GPR158: variants seen among roughly 807,000 people sequenced by gnomAD.
GPR158 encodes G protein-coupled receptor 158, also known as metabotropic glycine receptor.
Under a neutral mutation model 78.2 loss-of-function variants are expected in GPR158, and 30 were observed. That is an observed-to-expected ratio of 0.38 (90% CI 0.29 to 0.52). GPR158 has a LOEUF of 0.52. Ranked by LOEUF, GPR158 falls within the 20% of genes least tolerant of loss-of-function variation. The pLI, the probability that GPR158 is intolerant of heterozygous loss-of-function variation, is 0.83. For synonymous variants in GPR158, 581 were observed against 591.1 expected (o/e 0.98, Z 0.25); for missense variants, 1,463 against 1,523.5 (o/e 0.96, Z 0.66).
chr10:25,329,775 C>T (rs1037440956), intron 2 of GPR158, among the ~76,000 whole-genome samples: 3 of 151,876 alleles, frequency 2.0e-5, no homozygotes, highest in Non-Finnish European at 4.4e-5. Context: ...CTTCCAAACA[C>T]TTGTTTTATT....
chr10:25,277,452 T>A (rs1021462042), intron 2 of GPR158, among the ~76,000 whole-genome samples: 1 of 137,830 alleles, frequency 7.3e-6, no homozygotes, highest in Non-Finnish European at 1.5e-5. Context: ...AGTAGCTGAC[T>A]TTGGGGGAAA....
At chr10:25,458,534 C>G (rs1835319220) in intron 4 of GPR158, among the ~76,000 whole-genome samples, 1 of 152,210 alleles carries the variant, frequency 6.6e-6, no homozygotes, top group Non-Finnish European at 1.5e-5. Context: ...CACTTCTCTG[C>G]TGACTTCATT....
rs530870490 is a variant in GPR158, at chr10:25,483,375, C to T, written c.1404+16656C>T. Among the ~76,000 whole-genome samples the T allele has an allele frequency of 2.6e-5, 4 of 151,930 alleles. No homozygotes were observed. In the East Asian group the frequency reaches 7.8e-4, roughly 30 times the overall value. ...CTTGCACTGACTATTGCTTTTTCCT[C>T]CCCCCTTTCATGTCTTTGCTAAAAT... On this transcript the variant is annotated intron_variant, in intron 5 of 10. Coordinates refer to ENST00000376351, the MANE Select transcript of GPR158 (RefSeq NM_020752.3).
chr10:25,530,152 T>C (rs1476654711), intron 5 of GPR158, among the ~76,000 whole-genome samples: 1 of 152,130 alleles, frequency 6.6e-6, no homozygotes, highest in Non-Finnish European at 1.5e-5. Flanking sequence ...GGTCTCCTCA[T>C]GAGCTGAAGT....
chr10:25,466,677 G>T lies in GPR158; in HGVS notation c.1362G>T (p.Leu454=). ...GCATCCGGGCATCGGGCCTTATCCTGTTGGAAACGATCCTTTTTGGATCTC... is the reference window on the plus strand; with the variant it reads ...GCATCCGGGCATCGGGCCTTATCCTTTTGGAAACGATCCTTTTTGGATCTC... ...AKSIRASGLI[L]LETILFGSLL... Residue 454 remains leucine, a synonymous_variant, in exon 5 of 11, where the codon CTG becomes CTT. Transcript: ENST00000376351. The T allele has an allele frequency of 2.5e-6, 4 of 1,607,356 alleles. No homozygotes were observed. The highest frequency in any genetic ancestry group is 1.7e-6 in the Non-Finnish European group (2 of 1,175,972).
chr10:25,181,621 A>T (rs1269917907), intron 1 of GPR158, among the ~76,000 whole-genome samples: 2 of 152,212 alleles, frequency 1.3e-5, no homozygotes, highest in African/African-American at 4.8e-5. Context: ...TTTAATTTTC[A>T]GTTTCTTCAA....
intron 5 of GPR158, among the ~76,000 whole-genome samples, chr10:25,491,033 A>G (rs1462038621): frequency 2.6e-5 from 4 of 152,162 alleles, no homozygotes; most frequent in Non-Finnish European, 5.9e-5. Context: ...TAAAATAAAT[A>G]CATTCATTTT....
intron 2 of GPR158, among the ~76,000 whole-genome samples, chr10:25,289,404 C>A (rs979817027): frequency 6.6e-6 from 1 of 152,056 alleles, no homozygotes. Flanking sequence ...GAGGAAAAAG[C>A]CTTCCAGGCA....
chr10:25,345,698 T>C (rs1855362875), intron 2 of GPR158, among the ~76,000 whole-genome samples: 1 of 151,964 alleles, frequency 6.6e-6, no homozygotes, highest in Non-Finnish European at 1.5e-5. Context: ...CTGGCTAATA[T>C]TGACTTTCAT....
At chr10:25,356,292 A>G (rs548060723) in intron 2 of GPR158, among the ~76,000 whole-genome samples, 1 of 152,058 alleles carries the variant, frequency 6.6e-6, no homozygotes, top group Admixed American at 6.5e-5. Context: ...GCTGATAATA[A>G]CCTCAGTGCT....
At chr10:25,544,542 T>C (rs1436624594) in intron 5 of GPR158, among the ~76,000 whole-genome samples, 2 of 152,142 alleles carry the variant, frequency 1.3e-5, no homozygotes, top group Non-Finnish European at 2.9e-5. Flanking sequence ...TTATTGTTAT[T>C]GGTACATAAA....
At chr10:25,338,852 T>A (rs1855263929) in intron 2 of GPR158, among the ~76,000 whole-genome samples, 1 of 151,366 alleles carries the variant, frequency 6.6e-6, no homozygotes, top group South Asian at 2.1e-4. Flanking sequence ...TACAATAATG[T>A]GGAGAGAATT....
intron 5 of GPR158, among the ~76,000 whole-genome samples, chr10:25,540,550 CA>C (rs1463161227): frequency 6.6e-6 from 1 of 152,074 alleles, no homozygotes; most frequent in Non-Finnish European, 1.5e-5. Context: ...CCCAAATGTC[CA>C]ACAATGATAG....
At chr10:25,564,292 T>C (rs11014609) in intron 6 of GPR158, among the ~76,000 whole-genome samples, 11,679 of 152,136 alleles carry the variant, frequency 0.077, 975 homozygotes, top group East Asian at 0.48. Flanking sequence ...CTTTGGGCCC[T>C]TCTCAGGCCT....
chr10:25,242,331 A>G (rs1198524102), intron 2 of GPR158, among the ~76,000 whole-genome samples: 1 of 152,258 alleles, frequency 6.6e-6, no homozygotes, highest in African/African-American at 2.4e-5. Context: ...TATTAATTTC[A>G]TAGAAAATAT....
At chr10:25,394,920 T>G (rs1181122237) in intron 2 of GPR158, among the ~76,000 whole-genome samples, 1 of 152,174 alleles carries the variant, frequency 6.6e-6, no homozygotes, top group African/African-American at 2.4e-5. Context: ...AGGGACATCT[T>G]ATAATTCTTA....
chr10:25,396,593 G>A (rs567129858), intron 3 of GPR158, among the ~76,000 whole-genome samples: 25 of 152,048 alleles, frequency 1.6e-4, no homozygotes, highest in African/African-American at 5.8e-4. Flanking sequence ...GAGCTCAGGA[G>A]TTCAAAACCA....
chr10:25,425,362 G>T (rs1296211788), intron 4 of GPR158, among the ~76,000 whole-genome samples: 1 of 151,230 alleles, frequency 6.6e-6, no homozygotes, highest in Non-Finnish European at 1.5e-5. Flanking sequence ...TTTTATTATG[G>T]CCATTCTTGC....
At position 25,586,125 on chromosome 10, in the gene GPR158, G is replaced by A. The variant is rs377464754; in HGVS notation, c.1754-2882G>A. Among the ~76,000 whole-genome samples, 91 of 152,240 alleles carry A rather than the reference G, an allele frequency of 6.0e-4. 1 individual carries two copies. Among genetic ancestry groups the A allele is most frequent in the African/African-American group, 1.6e-3 (68 of 41,532 alleles). On this transcript the variant is annotated intron_variant, in intron 7 of 10. Coordinates refer to ENST00000376351, the MANE Select transcript of GPR158 (RefSeq NM_020752.3). ...CATATTGTAGAGGGCTAGGAATGCCGGGATAACAGGATTTGTGAAATAATA... is the reference window on the plus strand; with the variant it reads ...CATATTGTAGAGGGCTAGGAATGCCAGGATAACAGGATTTGTGAAATAATA...
Sources: gnomAD v4.1 joint callset for allele counts (sites outside exome capture counted in the v4.1 genomes callset) on GRCh38, gnomAD v4.1.1 for gene constraint, MANE v1.5 for transcripts, NCBI Gene and HGNC (gene_info 2026-07-23, HGNC 2026-07-21) for gene names.